The following HIVEP3 variants were observed in gnomAD, a reference collection of about 807,000 sequenced individuals.
HIVEP3 encodes the protein transcription factor HIVEP3.
A neutral mutation model predicts 152.8 loss-of-function variants in HIVEP3; 49 were observed. That is an observed-to-expected ratio of 0.32 (90% CI 0.26 to 0.41). HIVEP3 has a LOEUF of 0.41. Ranked by LOEUF, HIVEP3 falls within the 10% of genes least tolerant of loss-of-function variation. HIVEP3 has a pLI of 1.00. For synonymous variants in HIVEP3, 1,269 were observed against 1,289.0 expected, an observed-to-expected ratio of 0.98 and a Z score of 0.33; for missense variants, 2,790 against 3,103.3, an observed-to-expected ratio of 0.90 and a Z score of 2.40.
chr1:41,912,352 TC>T (rs1265470259), intron 1 of HIVEP3, among the ~76,000 whole-genome samples: 4 of 152,204 alleles, frequency 2.6e-5, no homozygotes, highest in Non-Finnish European at 5.9e-5. Flanking sequence ...AGGGGCTATT[TC>T]ATTAAAGTTA....
intron 1 of HIVEP3, among the ~76,000 whole-genome samples, chr1:41,856,467 A>G (rs917493283): frequency 2.6e-5 from 4 of 152,138 alleles, no homozygotes; most frequent in African/African-American, 4.8e-5. Flanking sequence ...TGGCCCTGTG[A>G]ACTTAGCAAC....
intron 1 of HIVEP3, among the ~76,000 whole-genome samples, chr1:41,804,442 C>G (rs1558283884): frequency 6.6e-6 from 1 of 152,340 alleles, no homozygotes; most frequent in East Asian, 1.9e-4. Flanking sequence ...CTGGCTGTGC[C>G]CATTTTACAG....
At chr1:41,678,299 G>A (rs1016915564) in intron 2 of HIVEP3, among the ~76,000 whole-genome samples, 3 of 152,122 alleles carry the variant, frequency 2.0e-5, no homozygotes, top group Non-Finnish European at 4.4e-5. Flanking sequence ...GCCTGATTGC[G>A]ACAATGCATT....
intron 1 of HIVEP3, among the ~76,000 whole-genome samples, chr1:41,953,322 G>T (rs1645121024): frequency 6.6e-6 from 1 of 152,132 alleles, no homozygotes; most frequent in South Asian, 2.1e-4. Context: ...TCAGATCTGT[G>T]GCCTGCTAGC....
At chr1:41,758,294 GAGAGATGAT>G (rs1647449438) in intron 1 of HIVEP3, among the ~76,000 whole-genome samples, 1 of 152,204 alleles carries the variant, frequency 6.6e-6, no homozygotes, top group East Asian at 1.9e-4. Flanking sequence ...CTATAAGCCA[GAGAGATGAT>G]AGAATGATGA....
chr1:41,548,864 T>G (rs1199756346), intron 5 of HIVEP3, among the ~76,000 whole-genome samples: 1 of 151,656 alleles, frequency 6.6e-6, no homozygotes, highest in African/African-American at 2.4e-5. Context: ...TCCAACTCAT[T>G]ATTTTATTTT....
In HIVEP3 at chr1:41,659,570, G is replaced by C. The variant is rs536660918; in HGVS notation, c.-720-30623C>G. Among the ~76,000 whole-genome samples the C allele has an allele frequency of 7.9e-5, 12 of 152,314 alleles. No homozygotes were observed. The East Asian group carries it at 2.3e-3, about 29-fold the overall frequency. The stretch of plus-strand genomic sequence containing the variant: ...GTCATGGCCATCCTAGCATCTGGCA[G>C]ACACTCATTCAATAAATGCTATTGA... On this transcript the variant is annotated intron_variant, in intron 2 of 8. Transcript: ENST00000372583.
At chr1:41,966,431 T>C (rs1219439402) in intron 1 of HIVEP3, among the ~76,000 whole-genome samples, 3 of 149,018 alleles carry the variant, frequency 2.0e-5, no homozygotes, top group African/African-American at 7.4e-5. Flanking sequence ...AGACACAGAA[T>C]GGCAAGCTGG....
chr1:41,800,677 A>T lies in HIVEP3; in HGVS notation c.-800-99682T>A, dbSNP rs540601636. 6.6e-5 allele frequency among the ~76,000 whole-genome samples: 10 copies of T among 152,384 alleles called. No homozygotes were observed. In the South Asian group the frequency reaches 2.1e-3, roughly 32 times the overall value. On this transcript the variant is annotated intron_variant, in intron 1 of 8. Transcript: ENST00000372583. ...AAACAGAAGGGAAGGCTCAGAAGCCAGCAGGGAACTCAAATGTGTCCAGTG... is the reference window on the plus strand; with the variant it reads ...AAACAGAAGGGAAGGCTCAGAAGCCTGCAGGGAACTCAAATGTGTCCAGTG...
intron 2 of HIVEP3, among the ~76,000 whole-genome samples, chr1:41,665,625 C>A (rs950899806): frequency 6.7e-6 from 1 of 149,680 alleles, no homozygotes; most frequent in African/African-American, 2.5e-5. Context: ...ATTCATTCTA[C>A]TTCTGGAGCT....
chr1:41,815,089 G>C (rs769774658), intron 1 of HIVEP3, among the ~76,000 whole-genome samples: 7 of 152,150 alleles, frequency 4.6e-5, no homozygotes, highest in Non-Finnish European at 1.0e-4. Flanking sequence ...GGATGGCCTG[G>C]GGATGTAATA....
At chr1:41,535,053 C>T (rs569860186) in intron 5 of HIVEP3, among the ~76,000 whole-genome samples, 4 of 152,190 alleles carry the variant, frequency 2.6e-5, no homozygotes, top group East Asian at 3.9e-4. Context: ...ATTTTACCAT[C>T]GTCCCCATTG....
intron 5 of HIVEP3, among the ~76,000 whole-genome samples, chr1:41,534,103 C>T (rs1643337987): frequency 6.6e-6 from 1 of 152,176 alleles, no homozygotes; most frequent in African/African-American, 2.4e-5. Flanking sequence ...CCTCTCTGTC[C>T]CCACCAGCCC....
upstream of HIVEP3, among the ~76,000 whole-genome samples, chr1:41,919,648 C>G (rs1054389235): frequency 6.6e-6 from 1 of 152,086 alleles, no homozygotes; most frequent in Admixed American, 6.5e-5. Context: ...TTGTTTTTCA[C>G]TTTTCTTTTA....
intron 2 of HIVEP3, among the ~76,000 whole-genome samples, chr1:41,670,549 G>C (rs897360987): frequency 3.3e-5 from 5 of 152,304 alleles, no homozygotes; most frequent in African/African-American, 1.2e-4. Context: ...TATGTTCTAG[G>C]GGAAAGAGAC....
At position 41,513,281 on chromosome 1, in the gene HIVEP3, T is replaced by G; in HGVS notation, c.5940A>C (p.Pro1980=). ...TGGTTAGCGAGTGTTTGCGGGCTAG[T>G]GGTGGACGGCTGCCTGCTTCTTTGC... ...SPSKEAGSRP[P]LARKHSLTKN... is the part of the protein sequence containing the mutation. The change falls in exon 8 of 9, where the codon CCA becomes CCC. Residue 1980 remains proline, a synonymous_variant. Transcript: ENST00000372583. 1 of 1,610,598 alleles carries G rather than the reference T, an allele frequency of 6.2e-7. No individual in the cohort carries two copies. Among genetic ancestry groups the G allele is most frequent in the Non-Finnish European group, 8.5e-7 (1 of 1,178,768 alleles).
chr1:41,825,090 T>A lies in HIVEP3; in HGVS notation c.-801+93323A>T, dbSNP rs143213627. Among the ~76,000 whole-genome samples the A allele has an allele frequency of 4.0e-3, 615 of 152,148 alleles. 3 individuals are homozygous for A. The highest frequency in any genetic ancestry group is 0.014 in the African/African-American group (580 of 41,472). ...CAACAAGGCTGTTTATTCACCTGGG[T>A]GCAGGCGGGCTGAGTCTGAGAAAGG... On this transcript the variant is annotated intron_variant, in intron 1 of 8. Coordinates refer to ENST00000372583, the MANE Select transcript of HIVEP3 (RefSeq NM_024503.5).
At chr1:41,546,653 G>A (rs1252888545) in intron 5 of HIVEP3, among the ~76,000 whole-genome samples, 4 of 152,216 alleles carry the variant, frequency 2.6e-5, no homozygotes, top group Non-Finnish European at 5.9e-5. Context: ...TACAAACCTA[G>A]ACTTCTGCTT....
At chr1:41,615,447 T>C (rs574115717) in intron 3 of HIVEP3, among the ~76,000 whole-genome samples, 5 of 152,244 alleles carry the variant, frequency 3.3e-5, no homozygotes, top group Admixed American at 3.3e-4. Flanking sequence ...GGCACTTAAG[T>C]GGGGTCTAAA....
Sources: allele counts gnomAD v4.1 joint callset (sites outside exome capture counted in the v4.1 genomes callset), GRCh38; gene constraint gnomAD v4.1.1; transcripts MANE v1.5; gene names NCBI Gene and HGNC (gene_info 2026-07-23, HGNC 2026-07-21).